The following SDK1 variants were observed in gnomAD, a reference collection of about 807,000 sequenced individuals.
SDK1 encodes sidekick cell adhesion molecule 1.
A neutral mutation model predicts 245.5 loss-of-function variants in SDK1; 157 were observed. The observed-to-expected ratio is 0.64, with a 90% CI of 0.56 to 0.73. SDK1 has a LOEUF of 0.73. Ranked by LOEUF, SDK1 falls within the 30% of genes least tolerant of loss-of-function variation. The pLI is 0.00. For missense variants in SDK1, 3,583 were observed against 3,002.3 expected (o/e 1.19, Z -4.52); for synonymous variants, 1,647 against 1,278.5 (o/e 1.29, Z -6.15).
At chr7:3,838,632 A>G (rs1271417419) in intron 5 of SDK1, among the ~76,000 whole-genome samples, 2 of 152,126 alleles carry the variant, frequency 1.3e-5, no homozygotes, top group Non-Finnish European at 2.9e-5. Context: ...CCACATAAAC[A>G]CTGATGGTCC....
At chr7:3,782,798 T>A (rs1332457595) in intron 4 of SDK1, among the ~76,000 whole-genome samples, 1 of 152,228 alleles carries the variant, frequency 6.6e-6, no homozygotes, top group African/African-American at 2.4e-5. Flanking sequence ...TGCTTTTGCA[T>A]TATTGTAAAG....
chr7:4,020,672 TCA>T (rs1325552199), intron 17 of SDK1, among the ~76,000 whole-genome samples: 1 of 152,168 alleles, frequency 6.6e-6, no homozygotes, highest in South Asian at 2.1e-4. Context: ...GCGTGACGTT[TCA>T]CACACACGTG....
Position 3,388,464 on chromosome 7 carries a change from G to C in SDK1, c.298+86580G>C, listed in dbSNP as rs77623134. 1.5e-3 allele frequency among the ~76,000 whole-genome samples: 228 copies of C among 151,880 alleles called. 1 individual carries two copies. The highest frequency in any genetic ancestry group is 2.8e-3 in the Non-Finnish European group (191 of 67,980). ...TGCCCAGACTTGAGTGCAGTGGCAA[G>C]ATCATAGCTCATTGTATTCTCAAAC... On this transcript the variant is annotated intron_variant, in intron 1 of 44. Coordinates refer to ENST00000404826, the MANE Select transcript of SDK1 (RefSeq NM_152744.4).
At chr7:3,588,382 A>C (rs1370841147) in intron 1 of SDK1, among the ~76,000 whole-genome samples, 2 of 152,256 alleles carry the variant, frequency 1.3e-5, no homozygotes, top group East Asian at 1.9e-4. Context: ...AGGCTATGCT[A>C]AATTGTGTTG....
chr7:3,488,105 A>T (rs1281814430), intron 1 of SDK1, among the ~76,000 whole-genome samples: 2 of 152,098 alleles, frequency 1.3e-5, no homozygotes, highest in Admixed American at 1.3e-4. Context: ...TCTTGTGCAG[A>T]TTCATCTCTT....
intron 4 of SDK1, among the ~76,000 whole-genome samples, chr7:3,739,671 AC>A: frequency 6.6e-6 from 1 of 152,312 alleles, no homozygotes; most frequent in South Asian, 2.1e-4. Context: ...TAGTTCTCAT[AC>A]TTTAATTCTT....
intron 30 of SDK1, among the ~76,000 whole-genome samples, chr7:4,150,734 T>C (rs1398033428): frequency 6.6e-6 from 1 of 152,140 alleles, no homozygotes. Flanking sequence ...AGTTCAGGCT[T>C]TGGAGTGAGG....
At chr7:3,942,994 C>T (rs1038297853) in intron 5 of SDK1, among the ~76,000 whole-genome samples, 11 of 152,266 alleles carry the variant, frequency 7.2e-5, no homozygotes, top group Non-Finnish European at 1.5e-4. Context: ...AGCCTGGCCA[C>T]GTGCGGGGAA....
intron 17 of SDK1, among the ~76,000 whole-genome samples, chr7:4,029,228 T>TTTTTTTTTTTTTGTG (rs746967075): frequency 5.4e-5 from 6 of 112,072 alleles, no homozygotes; most frequent in South Asian, 2.7e-4. Flanking sequence ...TTTTTTTTTT[T>TTTTTTTTTTTTTGTG]TGTGAAGAAG....
chr7:3,991,401 C>G (rs560068555), intron 14 of SDK1, among the ~76,000 whole-genome samples: 1 of 152,292 alleles, frequency 6.6e-6, no homozygotes, highest in South Asian at 2.1e-4. Flanking sequence ...CTCAGGGCTC[C>G]CTTGCTGTTC....
intron 5 of SDK1, among the ~76,000 whole-genome samples, chr7:3,822,401 A>G (rs1027896999): frequency 2.6e-4 from 40 of 152,162 alleles, no homozygotes; most frequent in African/African-American, 8.9e-4. Context: ...AATTATATTG[A>G]TTTGTTTGTA....
chr7:4,018,882 G>A (rs116990489), intron 17 of SDK1, among the ~76,000 whole-genome samples: 2,306 of 152,222 alleles, frequency 0.015, 30 homozygotes, highest in East Asian at 0.035. Context: ...AATGGCAGCA[G>A]GGACTCTAGA....
intron 1 of SDK1, among the ~76,000 whole-genome samples, chr7:3,396,192 G>A (rs1166122844): frequency 6.6e-6 from 1 of 151,456 alleles, no homozygotes; most frequent in Non-Finnish European, 1.5e-5. Flanking sequence ...ATTCCCCCTT[G>A]TAATTTTAAA....
chr7:3,597,090 G>A (rs910282960), intron 1 of SDK1, among the ~76,000 whole-genome samples: 4 of 151,944 alleles, frequency 2.6e-5, no homozygotes, highest in African/African-American at 9.7e-5. Context: ...CTAACACGGT[G>A]AAACCCTGTC....
At chr7:3,881,221 T>C (rs1336597341) in intron 5 of SDK1, among the ~76,000 whole-genome samples, 3 of 152,178 alleles carry the variant, frequency 2.0e-5, no homozygotes, top group Non-Finnish European at 2.9e-5. Flanking sequence ...AAGCCCAGCA[T>C]GCATTAGTTA....
chr7:4,051,254 T>C (rs1789455346), intron 18 of SDK1, among the ~76,000 whole-genome samples: 1 of 144,060 alleles, frequency 6.9e-6, no homozygotes, highest in Non-Finnish European at 1.5e-5. Flanking sequence ...ATAGGTTGTA[T>C]ATAATATATA....
intron 4 of SDK1, among the ~76,000 whole-genome samples, chr7:3,718,758 C>T (rs964003696): frequency 6.7e-6 from 1 of 149,552 alleles, no homozygotes; most frequent in African/African-American, 2.5e-5. Context: ...CGCTCTCCCA[C>T]TCTTAACAGA....
intron 5 of SDK1, among the ~76,000 whole-genome samples, chr7:3,860,421 A>G (rs188821477): frequency 1.3e-5 from 2 of 152,326 alleles, no homozygotes; most frequent in Admixed American, 1.3e-4. Flanking sequence ...AAGATGGTCA[A>G]GTTGACTTTT....
chr7:4,193,199 T>G (rs1783324024), intron 35 of SDK1, among the ~76,000 whole-genome samples: 1 of 132,880 alleles, frequency 7.5e-6, no homozygotes, highest in Non-Finnish European at 1.6e-5. Context: ...TATTAATATA[T>G]TTATATATTA....
Sources: gnomAD v4.1 joint callset for allele counts (sites outside exome capture counted in the v4.1 genomes callset) on GRCh38, gnomAD v4.1.1 for gene constraint, MANE v1.5 for transcripts, NCBI Gene and HGNC (gene_info 2026-07-23, HGNC 2026-07-21) for gene names.